The following ACIN1 variants were observed in gnomAD, a reference collection of about 807,000 sequenced individuals.
ACIN1 encodes apoptotic chromatin condensation inducer 1.
ACIN1 carries 16 observed loss-of-function variants against 146.6 expected under a neutral mutation model. The observed-to-expected ratio is 0.11, with a 90% CI of 0.07 to 0.17. The LOEUF is 0.17. Among genes scored for constraint, ACIN1 ranks in the 10% least tolerant of loss-of-function variants. The pLI, the probability that ACIN1 is intolerant of heterozygous loss-of-function variation, is 1.00. For missense variants in ACIN1, 1,357 were observed against 1,609.3 expected (o/e 0.84, Z 2.68); for synonymous variants, 569 against 582.7 (o/e 0.98, Z 0.34).
chr14:23,079,455 T>C, intron 6 of ACIN1, 92 bp downstream of exon 6: 2 of 1,540,978 alleles, frequency 1.3e-6, no homozygotes, highest in South Asian at 2.5e-5. Context: ...TCCTATTCCT[T>C]TCAGAAATCA....
chr14:23,070,411 A>G (rs2047599578), intron 8 of ACIN1, among the ~76,000 whole-genome samples: 1 of 152,040 alleles, frequency 6.6e-6, no homozygotes. Flanking sequence ...CCACTCCCTC[A>G]TTCCAACTTC....
At position 23,092,823 on chromosome 14, in the gene ACIN1, G is replaced by A. The variant is rs1021011647; in HGVS notation, c.204+656C>T. 5.3e-5 allele frequency among the ~76,000 whole-genome samples: 8 copies of A among 152,150 alleles called. No homozygotes were observed. The East Asian group carries it at 1.4e-3, about 26-fold the overall frequency. ...AGAGGAGTATGAGCCTTGCTTACTT[G>A]GGAAAAAGGTATTTCCCCTAGGAAG... On this transcript the variant is annotated intron_variant, in intron 2 of 18. Coordinates refer to ENST00000605057, the MANE Select transcript of ACIN1 (RefSeq NM_001386863.1).
At chr14:23,070,804 A>G (rs2047617370) in intron 8 of ACIN1, among the ~76,000 whole-genome samples, 2 of 152,180 alleles carry the variant, frequency 1.3e-5, no homozygotes, top group Admixed American at 1.3e-4. Context: ...TCCCTAGAGC[A>G]GTCAAGAAGG....
chr14:23,073,803 G>C (rs1310095519), intron 8 of ACIN1, among the ~76,000 whole-genome samples: 1 of 151,898 alleles, frequency 6.6e-6, no homozygotes, highest in Non-Finnish European at 1.5e-5. Context: ...CTCTGCAGAA[G>C]TGGCTGATTT....
At chr14:23,071,344 A>T (rs2047643192) in intron 8 of ACIN1, 2 of 1,517,376 alleles carry the variant, frequency 1.3e-6, no homozygotes. Context: ...GATCCAAAAA[A>T]TGGTAAATGG....
In ACIN1 at chr14:23,079,726, A is replaced by G. The variant is rs748912476; in HGVS notation, c.1609T>C (p.Ser537Pro). Residue 537 changes from serine (S) to proline (P), a missense_variant, in exon 6 of 19, where the codon TCT becomes CCT. By Grantham distance (74) the Ser-to-Pro change is moderately conservative. Transcript: ENST00000605057. ...GACCGAGAACCTGAACTGTCAGGAG[A>G]GCGAGATCTTGATCTAGAACTGGAG... The part of the protein sequence containing the change: ...SSSSSRSRSR[S>P]PDSSGSRSHS... The G allele has an allele frequency of 3.1e-6, 5 of 1,614,102 alleles. No individual in the cohort carries two copies. The highest frequency in any genetic ancestry group is 4.2e-6 in the Non-Finnish European group (5 of 1,180,016).
chr14:23,093,714 C>T (rs1471602662), intron 1 of ACIN1, among the ~76,000 whole-genome samples, 170 bp from the exon 2 acceptor site: 1 of 152,214 alleles, frequency 6.6e-6, no homozygotes, highest in Non-Finnish European at 1.5e-5. Flanking sequence ...TCTCATTCAT[C>T]TTCAGAAGAC....
chr14:23,073,619 T>C (rs2047721845), intron 8 of ACIN1, among the ~76,000 whole-genome samples: 2 of 151,944 alleles, frequency 1.3e-5, no homozygotes, highest in South Asian at 2.1e-4. Flanking sequence ...GATCGTGCCA[T>C]TGCACTCCAG....
At chr14:23,062,133 GCCCC>G in intron 16 of ACIN1, 31 bp downstream of exon 16, 43 of 1,550,556 alleles carry the variant, frequency 2.8e-5, no homozygotes, top group Non-Finnish European at 3.7e-5. Flanking sequence ...GGCTTCCCCT[GCCCC>G]TCCTCTCTTT....
chr14:23,095,266 C>T (rs2140269638), upstream of ACIN1: 1 of 1,600,614 alleles, frequency 6.2e-7, no homozygotes, highest in African/African-American at 1.3e-5. Context: ...CGGATGTCCT[C>T]GGATGTTTCC....
At chr14:23,095,282 C>T (rs1248001277), upstream of ACIN1, 7 of 1,595,310 alleles carry the variant, frequency 4.4e-6, no homozygotes, top group South Asian at 5.5e-5. Context: ...TTTCCGTCTC[C>T]ACATCGTTAC....
At position 23,062,254 on chromosome 14, in the gene ACIN1, C is replaced by T; in HGVS notation, c.3013G>A (p.Val1005Ile). The change falls in exon 16 of 19, where the codon GTT becomes ATT. Residue 1005 changes from valine to isoleucine, a missense_variant. By Grantham distance (29) the Val-to-Ile change is conservative. Around this residue, in one of 4 missense-constraint regions of ACIN1, gnomAD observed 509 missense variants for 719.6 expected, o/e 0.71. Coordinates refer to ENST00000605057, the MANE Select transcript of ACIN1 (RefSeq NM_001386863.1). ...FVTYSTVEEAVATRTALHGVK... is the reference protein window; with the variant it reads ...FVTYSTVEEAIATRTALHGVK... ...CCGTGCAGAGCTGTGCGGGTGGCAACAGCTTCCTCTACTGTTGAGTACTGG... is the reference window on the plus strand; with the variant it reads ...CCGTGCAGAGCTGTGCGGGTGGCAATAGCTTCCTCTACTGTTGAGTACTGG... The T allele has an allele frequency of 1.2e-6, 2 of 1,614,046 alleles. No individual in the cohort carries two copies. The highest frequency in any genetic ancestry group is 2.2e-5 in the East Asian group (1 of 44,882).
intron 4 of ACIN1, among the ~76,000 whole-genome samples, chr14:23,084,092 G>A (rs8005054): frequency 0.026 from 3,983 of 151,940 alleles, 164 homozygotes; most frequent in African/African-American, 0.091. Context: ...GACTACAGGC[G>A]CCCGCCACCA....
chr14:23,095,191 G>T (rs754215722), upstream of ACIN1: 2 of 1,614,150 alleles, frequency 1.2e-6, no homozygotes, highest in Non-Finnish European at 1.7e-6. Context: ...CGAACGTACC[G>T]AGATGACCCC....
rs148836857 is a variant in ACIN1 at position 23,066,081 on chromosome 14, A to G, written c.2266-73T>C. 6.2e-4 allele frequency: 772 copies of G among 1,252,958 alleles called. 3 individuals are homozygous for G. In the African/African-American group the frequency reaches 9.8e-3, roughly 16 times the overall value. The allele number at this position is 1,252,958 out of a possible 1,614,324, so 77.6% of individuals were successfully genotyped here. A position where few individuals can be genotyped will look rare whatever the true frequency, so the allele number is the denominator to read the frequency against. ...CACAGAGAGGGGGGAAGGAGGTTAG[A>G]TGGGGCAGTCTTAGCTTAGCCTCCA... On this transcript the variant is annotated intron_variant, in intron 9 of 18. Transcript: ENST00000605057.
At chr14:23,069,894 A>G (rs1594755732) in intron 8 of ACIN1, among the ~76,000 whole-genome samples, 1 of 152,202 alleles carries the variant, frequency 6.6e-6, no homozygotes, top group East Asian at 1.9e-4. Flanking sequence ...GACTCCAACT[A>G]TTCTCAGGTA....
At chr14:23,062,071 G>T in intron 16 of ACIN1, 97 bp downstream of exon 16, 1 of 976,566 alleles carries the variant, frequency 1.0e-6, no homozygotes, top group Non-Finnish European at 1.6e-6. Context: ...AAGAACAGAA[G>T]CTCAGAGACT....
intron 1 of ACIN1, among the ~76,000 whole-genome samples, chr14:23,094,067 C>A (rs1175518760): frequency 1.3e-5 from 2 of 151,978 alleles, no homozygotes; most frequent in Non-Finnish European, 2.9e-5. Context: ...AAGAAAATGA[C>A]CACAGACCCT....
intron 2 of ACIN1, among the ~76,000 whole-genome samples, chr14:23,092,715 A>C (rs2048259460): frequency 6.6e-6 from 1 of 152,196 alleles, no homozygotes; most frequent in Non-Finnish European, 1.5e-5. Context: ...CAGCCTAATA[A>C]TTTTTGGATT....
Sources: gnomAD v4.1 joint callset for allele counts (sites outside exome capture counted in the v4.1 genomes callset) on GRCh38, gnomAD v4.1.1 for gene constraint, gnomAD v4.1.1 regional missense constraint, MANE v1.5 for transcripts, NCBI Gene and HGNC (gene_info 2026-07-23, HGNC 2026-07-21) for gene names.